ENTPD1: variants seen among roughly 807,000 people sequenced by gnomAD.
ENTPD1 encodes the protein ATP diphosphohydrolase.
ENTPD1 carries 33 observed loss-of-function variants against 57.0 expected under a neutral mutation model. That is an observed-to-expected ratio of 0.58 (90% confidence interval 0.44 to 0.77). The LOEUF (loss-of-function observed/expected upper bound fraction) is 0.77, where lower values mean the gene tolerates loss of function less well. Among genes scored for constraint, ENTPD1 ranks in the 30% least tolerant of loss-of-function variants. The pLI is 0.00. For missense variants in ENTPD1, 501 were observed against 603.4 expected (o/e 0.83, Z 1.78); for synonymous variants, 202 against 218.8 (o/e 0.92, Z 0.68).
chr10:95,746,105 C>T (rs536096723), intron 1 of ENTPD1, among the ~76,000 whole-genome samples: 3 of 151,994 alleles, frequency 2.0e-5, no homozygotes, highest in Admixed American at 6.6e-5. Flanking sequence ...CTTCAAGTAC[C>T]GTTAGGTTAC....
chr10:95,746,801 T>C (rs2098006554), intron 1 of ENTPD1, among the ~76,000 whole-genome samples: 3 of 152,264 alleles, frequency 2.0e-5, no homozygotes, highest in South Asian at 2.1e-4. Context: ...TTGTTATTGA[T>C]AGTGGAGAAA....
chr10:95,794,196 TA>T (rs1435480331), intron 1 of ENTPD1, among the ~76,000 whole-genome samples: 3 of 152,156 alleles, frequency 2.0e-5, no homozygotes, highest in African/African-American at 7.2e-5. Context: ...ACTACAGTTT[TA>T]TTATTATTAT....
chr10:95,813,258 AT>A (rs370229949), intron 1 of ENTPD1, among the ~76,000 whole-genome samples: 4 of 152,220 alleles, frequency 2.6e-5, no homozygotes, highest in African/African-American at 9.6e-5. Flanking sequence ...GTGGCCAAAT[AT>A]ACATATTCAA....
intron 1 of ENTPD1, among the ~76,000 whole-genome samples, chr10:95,729,560 C>G (rs2097987202): frequency 6.6e-6 from 1 of 152,164 alleles, no homozygotes; most frequent in Non-Finnish European, 1.5e-5. Context: ...AGGAAGCGGG[C>G]AAAACCTTTT....
At chr10:95,815,005 T>C (rs1325739181) in intron 1 of ENTPD1, among the ~76,000 whole-genome samples, 1 of 152,264 alleles carries the variant, frequency 6.6e-6, no homozygotes, top group Admixed American at 6.5e-5. Flanking sequence ...GGATCAAAGT[T>C]TGTCTTTAGC....
upstream of ENTPD1, chr10:95,756,079 C>A: frequency 6.6e-7 from 1 of 1,510,660 alleles, no homozygotes. Context: ...GTTTGAGGTT[C>A]CTTCCGAAAC....
chr10:95,799,457 C>T (rs117193560), intron 1 of ENTPD1, among the ~76,000 whole-genome samples: 5,138 of 152,194 alleles, frequency 0.034, 118 homozygotes, highest in Non-Finnish European at 0.049. Context: ...CATGCCTGTT[C>T]CTGCAAAGGA....
In ENTPD1 at chr10:95,876,144, G is replaced by C. The variant is rs1408585868; in HGVS notation, c.*9761G>C. 13 of 985,118 alleles carry C rather than the reference G, an allele frequency of 1.3e-5. No individual in the cohort carries two copies. The highest frequency in any genetic ancestry group is 5.2e-4 in the Middle Eastern group (1 of 1,936). The allele number at this position is 985,118 out of a possible 1,614,324, so 61.0% of individuals were successfully genotyped here. A position where few individuals can be genotyped will look rare whatever the true frequency, so the allele number is the denominator to read the frequency against. ...TAGAGCCTCAATAAACAGATTCCCAGTTTTGAAAATGCAACATTTGTACTC... is the reference window on the plus strand; with the variant it reads ...TAGAGCCTCAATAAACAGATTCCCACTTTTGAAAATGCAACATTTGTACTC... On this transcript the variant is annotated 3_prime_UTR_variant, in exon 10 of 10. Coordinates refer to ENST00000371205, the MANE Select transcript of ENTPD1 (RefSeq NM_001776.6).
At chr10:95,707,338 C>T (rs1238721580), upstream of ENTPD1, among the ~76,000 whole-genome samples, 1 of 152,192 alleles carries the variant, frequency 6.6e-6, no homozygotes, top group Non-Finnish European at 1.5e-5. Flanking sequence ...GGGTCTGCAG[C>T]CACAGTTTGG....
At chr10:95,812,797 G>A (rs2140459274) in intron 1 of ENTPD1, among the ~76,000 whole-genome samples, 2 of 152,232 alleles carry the variant, frequency 1.3e-5, no homozygotes, top group South Asian at 4.1e-4. Context: ...TAAGTGTATA[G>A]TGAATATTAT....
rs544888799 is a variant in ENTPD1, at chr10:95,831,293, G to A, written c.144+7929G>A. On this transcript the variant is annotated intron_variant, in intron 2 of 9. Transcript: ENST00000371205. Reference sequence around the variant, plus strand: ...ATTTGTCATCCCTGTCCTCTTGCAGGGATCATTATTCTGCCTGCCTAGAGT... The same window carrying A: ...ATTTGTCATCCCTGTCCTCTTGCAGAGATCATTATTCTGCCTGCCTAGAGT... 3.2e-4 allele frequency among the ~76,000 whole-genome samples: 49 copies of A among 152,126 alleles called. 1 individual carries two copies. Among genetic ancestry groups the A allele is most frequent in the Non-Finnish European group, 6.6e-4 (45 of 68,046 alleles).
chr10:95,824,130 G>T (rs1174097062), intron 2 of ENTPD1, among the ~76,000 whole-genome samples: 1 of 151,956 alleles, frequency 6.6e-6, no homozygotes, highest in Non-Finnish European at 1.5e-5. Flanking sequence ...AAAAGCATGT[G>T]GTAAATAAAA....
chr10:95,711,119 A>G (rs1354308541), upstream of ENTPD1, among the ~76,000 whole-genome samples: 1 of 151,952 alleles, frequency 6.6e-6, no homozygotes, highest in African/African-American at 2.4e-5. Context: ...GGGTCATAGA[A>G]GCCAGCAACA....
rs1490293923 is a variant in ENTPD1, at chr10:95,852,035, C to T, written c.1074+4329C>T. Among the ~76,000 whole-genome samples, 9 of 152,188 alleles carry T rather than the reference C, an allele frequency of 5.9e-5. 1 individual carries two copies. In the South Asian group the frequency reaches 1.2e-3, roughly 21 times the overall value. On this transcript the variant is annotated intron_variant, in intron 7 of 9. Transcript: ENST00000371205. ...CTTCCATAATGGTTGAACTAGTTTA[C>T]AGTCCCACCAACAGTGTAAAAGTGT...
At chr10:95,754,748 T>C (rs898390535), upstream of ENTPD1, 10 of 152,234 alleles carry the variant, frequency 6.6e-5, no homozygotes, top group African/African-American at 2.2e-4. Context: ...TTAGTTGTTA[T>C]CATACATGCA....
chr10:95,781,348 G>A (rs545867720), intron 1 of ENTPD1, among the ~76,000 whole-genome samples: 111 of 152,174 alleles, frequency 7.3e-4, no homozygotes, highest in Middle Eastern at 3.4e-3. Flanking sequence ...ATTTGATAGC[G>A]CAACAGGGTG....
In ENTPD1 at chr10:95,844,648, C is replaced by T; in HGVS notation, c.573+13C>T. On this transcript the variant is annotated intron_variant, in intron 5 of 9. Transcript: ENST00000371205. ...CAAATTCAGTCAGGTGAATATCTCA[C>T]AGCATCCATGGAGGTGGCTCTCTGG... The T allele has an allele frequency of 6.2e-7, 1 of 1,614,010 alleles. No individual in the cohort carries two copies. The highest frequency in any genetic ancestry group is 8.5e-7 in the Non-Finnish European group (1 of 1,180,006).
chr10:95,809,100 T>C (rs1339249657), intron 1 of ENTPD1, among the ~76,000 whole-genome samples: 2 of 152,324 alleles, frequency 1.3e-5, no homozygotes, highest in East Asian at 1.9e-4. Context: ...CAGAACAAAA[T>C]GGAGTCTCCT....
rs2098407982 is a variant in ENTPD1 at position 95,835,673 on chromosome 10, C to T, written c.145-4018C>T. ...ATCTCATTGTGGTTTTAACATTCATCTCTCTGATGACCAGTGATGATGAGC... is the reference window on the plus strand; with the variant it reads ...ATCTCATTGTGGTTTTAACATTCATTTCTCTGATGACCAGTGATGATGAGC... On this transcript the variant is annotated intron_variant, in intron 2 of 9. Coordinates refer to ENST00000371205, the MANE Select transcript of ENTPD1 (RefSeq NM_001776.6). Among the ~76,000 whole-genome samples, 4 of 152,164 alleles carry T rather than the reference C, an allele frequency of 2.6e-5. No individual in the cohort carries two copies. The South Asian group carries it at 8.3e-4, about 32-fold the overall frequency.
Sources: gnomAD v4.1 joint callset for allele counts (sites outside exome capture counted in the v4.1 genomes callset) on GRCh38, gnomAD v4.1.1 for gene constraint, MANE v1.5 for transcripts, NCBI Gene and HGNC (gene_info 2026-07-23, HGNC 2026-07-21) for gene names.